Variants in WDR76 observed in about 807,000 individuals in gnomAD.
The protein encoded by WDR76 is WD repeat-containing protein 76.
Under a neutral mutation model 70.2 loss-of-function variants are expected in WDR76, and 52 were observed. That is an observed-to-expected ratio of 0.74 (90% CI 0.59 to 0.93). WDR76 has a LOEUF of 0.93. Among genes scored for constraint, WDR76 ranks in the 40% least tolerant of loss-of-function variants. WDR76 has a pLI of 0.00. For synonymous variants in WDR76, 292 were observed against 271.1 expected, an observed-to-expected ratio of 1.08 and a Z score of -0.76; for missense variants, 756 against 760.2, an observed-to-expected ratio of 0.99 and a Z score of 0.07.
At chr15:43,835,178 G>C in intron 3 of WDR76, 28 bp downstream of exon 3, 3 of 1,606,048 alleles carry the variant, frequency 1.9e-6, no homozygotes, top group Non-Finnish European at 2.6e-6. Flanking sequence ...TTAAAAGCAA[G>C]ATGCAGGGCC....
At chr15:43,829,158 C>T (rs1231753429) in intron 2 of WDR76, among the ~76,000 whole-genome samples, 1 of 152,092 alleles carries the variant, frequency 6.6e-6, no homozygotes. Flanking sequence ...CCTCAGCCTC[C>T]CAAAGTGCTG....
At chr15:43,832,781 C>G (rs1428060045) in intron 2 of WDR76, among the ~76,000 whole-genome samples, 1 of 110,170 alleles carries the variant, frequency 9.1e-6, no homozygotes, top group Non-Finnish European at 1.7e-5. Context: ...GAGACAGTCT[C>G]GGCTCTTGCC....
rs1335576141 is a variant in WDR76 at position 43,858,843 on chromosome 15, A to G, written c.1562+20A>G. The G allele has an allele frequency of 1.2e-6, 2 of 1,610,736 alleles. No individual in the cohort carries two copies. Among genetic ancestry groups the G allele is most frequent in the Admixed American group, 1.7e-5 (1 of 59,114 alleles). ...TCTGAGGTAAATTGGGAAGGCAGAAATGTTTTTAGGGAATCTAAAGAGTCT... is the reference window on the plus strand; with the variant it reads ...TCTGAGGTAAATTGGGAAGGCAGAAGTGTTTTTAGGGAATCTAAAGAGTCT... On this transcript the variant is annotated intron_variant, in intron 11 of 12. Coordinates refer to ENST00000263795, the MANE Select transcript of WDR76 (RefSeq NM_024908.4).
intron 9 of WDR76, among the ~76,000 whole-genome samples, chr15:43,854,396 C>A (rs1014262257): frequency 6.6e-6 from 1 of 151,772 alleles, no homozygotes; most frequent in Non-Finnish European, 1.5e-5. Context: ...ATAGTGAAAC[C>A]GCACCTCTAA....
At chr15:43,827,125 T>A in intron 1 of WDR76, 33 bp downstream of exon 1, 1 of 1,613,976 alleles carries the variant, frequency 6.2e-7, no homozygotes. Flanking sequence ...CAAGGTGTGC[T>A]CCTGCCTCGG....
chr15:43,861,962 G>T (rs530993662), intron 12 of WDR76, among the ~76,000 whole-genome samples: 2 of 149,546 alleles, frequency 1.3e-5, no homozygotes, highest in Admixed American at 6.7e-5. Context: ...TCAGCCTCCT[G>T]AGTAGCTGGG....
At chr15:43,834,931 T>A (rs2087636124) in intron 2 of WDR76, 130 bp from the exon 3 acceptor site, 3 of 771,574 alleles carry the variant, frequency 3.9e-6, no homozygotes, top group African/African-American at 3.5e-5. Context: ...TTTGGTAAGA[T>A]GATGAAATGA....
intron 2 of WDR76, among the ~76,000 whole-genome samples, chr15:43,833,631 T>TG (rs2087619184): frequency 2.0e-5 from 3 of 151,094 alleles, no homozygotes; most frequent in Non-Finnish European, 4.4e-5. Context: ...TTCTTTTTTT[T>TG]TTTTGTTTGT....
intron 9 of WDR76, among the ~76,000 whole-genome samples, chr15:43,852,672 T>G (rs914296769): frequency 6.6e-6 from 1 of 152,128 alleles, no homozygotes; most frequent in African/African-American, 2.4e-5. Context: ...TGTGGTCAGA[T>G]TTGCCTCTTC....
rs919382175 is a variant in WDR76 at position 43,858,764 on chromosome 15, C to T, written c.1503C>T (p.Ala501=). Reference sequence around the variant, plus strand: ...AACATACAAAGAGCATTGCTTCCGCCTATTTTTCACCTCTTACTGGTAACA... The same window carrying T: ...AACATACAAAGAGCATTGCTTCCGCTTATTTTTCACCTCTTACTGGTAACA... ...LTEHTKSIAS[A]YFSPLTGNRV... is the part of the protein sequence containing the mutation. The change falls in exon 11 of 13, where the codon GCC becomes GCT. Residue 501 remains alanine (A), a synonymous_variant. Coordinates refer to ENST00000263795, the MANE Select transcript of WDR76 (RefSeq NM_024908.4). 1 of 1,614,060 alleles carries T rather than the reference C, an allele frequency of 6.2e-7. No homozygotes were observed. The highest frequency in any genetic ancestry group is 8.5e-7 in the Non-Finnish European group (1 of 1,180,036).
At chr15:43,844,156 T>C in intron 8 of WDR76, 102 bp downstream of exon 8, 1 of 1,129,424 alleles carries the variant, frequency 8.9e-7, no homozygotes, top group South Asian at 2.8e-5. Context: ...GCGTGAGACT[T>C]ACAATTTTGG....
chr15:43,831,272 C>T (rs532233305), intron 2 of WDR76, among the ~76,000 whole-genome samples: 3 of 152,076 alleles, frequency 2.0e-5, no homozygotes, highest in South Asian at 2.1e-4. Flanking sequence ...GCTGGGACTA[C>T]AGGCATGTGC....
At chr15:43,842,730 CTA>C in intron 7 of WDR76, 59 bp downstream of exon 7, 1 of 1,474,870 alleles carries the variant, frequency 6.8e-7, no homozygotes, top group Non-Finnish European at 9.3e-7. Flanking sequence ...GTTATAAAGA[CTA>C]TACGCCATTT....
Position 43,868,384 on chromosome 15 carries a change from G to T in WDR76, c.*1992G>T, listed in dbSNP as rs11856795. 23,716 of 152,082 alleles carry T rather than the reference G, an allele frequency of 0.16. 2,429 individuals are homozygous for T. Among genetic ancestry groups the T allele is most frequent in the African/African-American group, 0.28 (11,672 of 41,438 alleles). The allele number at this position is 152,082 out of a possible 1,614,324, so 9.4% of individuals were successfully genotyped here. A position where few individuals can be genotyped will look rare whatever the true frequency, so the allele number is the denominator to read the frequency against. On this transcript the variant is annotated 3_prime_UTR_variant, in exon 13 of 13. Transcript: ENST00000263795. ...TTGAATACTTGGCAGTAATTGCCTGGGCTCGTCAATAAATGTTAGCAAATT... is the reference window on the plus strand; with the variant it reads ...TTGAATACTTGGCAGTAATTGCCTGTGCTCGTCAATAAATGTTAGCAAATT...
At chr15:43,849,377 T>C (rs1041162015) in intron 8 of WDR76, among the ~76,000 whole-genome samples, 1 of 152,208 alleles carries the variant, frequency 6.6e-6, no homozygotes, top group African/African-American at 2.4e-5. Context: ...TTTTCTTATA[T>C]TATTTTGACA....
At chr15:43,842,267 C>A in intron 5 of WDR76, 148 bp from the exon 6 acceptor site, 2 of 636,800 alleles carry the variant, frequency 3.1e-6, no homozygotes, top group Admixed American at 3.0e-5. Flanking sequence ...ATTTATTGAA[C>A]AATTATTTTG....
chr15:43,854,496 G>T (rs1484324753), intron 9 of WDR76, among the ~76,000 whole-genome samples: 5 of 152,134 alleles, frequency 3.3e-5, no homozygotes, highest in Non-Finnish European at 5.9e-5. Flanking sequence ...CTTGAACCTG[G>T]AAGGGTGAGG....
chr15:43,861,510 T>A (rs1196507723), intron 12 of WDR76, 124 bp downstream of exon 12: 4 of 977,778 alleles, frequency 4.1e-6, no homozygotes, highest in Non-Finnish European at 6.2e-6. Context: ...ACAAAAATTA[T>A]AAGTGTCCCA....
intron 5 of WDR76, among the ~76,000 whole-genome samples, chr15:43,839,961 G>T (rs1244055740): frequency 1.3e-5 from 2 of 151,984 alleles, no homozygotes; most frequent in Admixed American, 1.3e-4. Flanking sequence ...GTGTTCAAGC[G>T]ATTCTCCTGC....
Sources: gnomAD v4.1 joint callset for allele counts (sites outside exome capture counted in the v4.1 genomes callset) on GRCh38, gnomAD v4.1.1 for gene constraint, MANE v1.5 for transcripts, NCBI Gene and HGNC (gene_info 2026-07-23, HGNC 2026-07-21) for gene names.